Variants in NDUFA10 observed in about 807,000 individuals in gnomAD.
The protein encoded by NDUFA10 is NADH dehydrogenase [ubiquinone] 1 alpha subcomplex subunit 10, mitochondrial.
In NDUFA10, 40 loss-of-function variants were observed where a neutral mutation model predicts 47.8. That is an observed-to-expected ratio of 0.84 (90% CI 0.65 to 1.09). The LOEUF (loss-of-function observed/expected upper bound fraction) is 1.09. Among genes scored for constraint, NDUFA10 ranks in the 50% least tolerant of loss-of-function variants. NDUFA10 has a pLI of 0.00. For missense variants in NDUFA10, 413 were observed against 451.1 expected, an observed-to-expected ratio of 0.92 and a Z score of 0.76; for synonymous variants, 183 against 172.2, an observed-to-expected ratio of 1.06 and a Z score of -0.49.
chr2:239,932,794 G>A (rs539614428), intron 4 of NDUFA10, among the ~76,000 whole-genome samples: 103 of 152,234 alleles, frequency 6.8e-4, no homozygotes, highest in African/African-American at 2.2e-3. Flanking sequence ...TGTTAGCCAG[G>A]ATGGTCTCAA....
intron 1 of NDUFA10, 78 bp downstream of exon 1, chr2:240,025,149 G>C: frequency 8.4e-7 from 1 of 1,184,398 alleles, no homozygotes; most frequent in Non-Finnish European, 1.1e-6. Flanking sequence ...GAGGCCGGGG[G>C]AGATGTGGAA....
intron 4 of NDUFA10, chr2:240,018,002 A>C: frequency 2.0e-6 from 2 of 1,022,372 alleles, no homozygotes; most frequent in Middle Eastern, 4.1e-4. Context: ...CCCCACCCTG[A>C]CTCCTCAAGG....
At chr2:239,897,296 G>C (rs1230095935) in intron 4 of NDUFA10, among the ~76,000 whole-genome samples, 1 of 151,844 alleles carries the variant, frequency 6.6e-6, no homozygotes, top group African/African-American at 2.4e-5. Flanking sequence ...AAAAATTCAA[G>C]AAAAATCCTA....
At chr2:239,904,352 T>C (rs1271092429) in intron 4 of NDUFA10, among the ~76,000 whole-genome samples, 1 of 152,176 alleles carries the variant, frequency 6.6e-6, no homozygotes, top group South Asian at 2.1e-4. Context: ...GGTTGGAGTA[T>C]AGTGGTGTGA....
intron 9 of NDUFA10, among the ~76,000 whole-genome samples, chr2:239,970,890 G>A (rs759815786): frequency 7.9e-5 from 12 of 152,234 alleles, no homozygotes; most frequent in Non-Finnish European, 1.6e-4. Flanking sequence ...TGAAATGTAA[G>A]GTAAGAATGA....
chr2:239,924,480 C>T (rs996805031), intron 4 of NDUFA10, among the ~76,000 whole-genome samples: 1 of 151,864 alleles, frequency 6.6e-6, no homozygotes, highest in Non-Finnish European at 1.5e-5. Context: ...AGAAAATGTA[C>T]TTGACAAAAG....
At chr2:239,909,658 A>G (rs1390934500) in intron 4 of NDUFA10, among the ~76,000 whole-genome samples, 1 of 152,106 alleles carries the variant, frequency 6.6e-6, no homozygotes, top group Non-Finnish European at 1.5e-5. Context: ...AAGAAAATCT[A>G]GGCAATATTA....
chr2:239,929,210 C>G (rs1192650724), intron 4 of NDUFA10, among the ~76,000 whole-genome samples: 1 of 152,206 alleles, frequency 6.6e-6, no homozygotes, highest in African/African-American at 2.4e-5. Flanking sequence ...TGCTTGGCAC[C>G]AACCGGTGGC....
intron 4 of NDUFA10, among the ~76,000 whole-genome samples, chr2:239,932,670 C>A (rs922112799): frequency 6.6e-6 from 1 of 151,776 alleles, no homozygotes; most frequent in African/African-American, 2.4e-5. Flanking sequence ...AGCTCCACCT[C>A]CCGGGTTCAC....
At chr2:240,007,657 C>T (rs933608411) in intron 6 of NDUFA10, among the ~76,000 whole-genome samples, 1 of 152,230 alleles carries the variant, frequency 6.6e-6, no homozygotes, top group Non-Finnish European at 1.5e-5. Context: ...GCGTGACAGA[C>T]CACAGCCATC....
intron 4 of NDUFA10, chr2:239,942,924 C>G (rs1694384036): frequency 6.5e-6 from 1 of 154,036 alleles, no homozygotes; most frequent in Non-Finnish European, 1.5e-5. Context: ...CTTCGGGAAG[C>G]CTGCAAGGAT....
chr2:240,014,953 CG>C, intron 4 of NDUFA10, 93 bp from the exon 5 acceptor site: 1 of 1,561,130 alleles, frequency 6.4e-7, no homozygotes, highest in Non-Finnish European at 8.7e-7. Context: ...CAAACATACA[CG>C]CAATTCTCAA....
chr2:239,932,583 AT>A lies in NDUFA10; in HGVS notation c.295-37270del, dbSNP rs1334670530. 1.2e-3 allele frequency among the ~76,000 whole-genome samples: 171 copies of A among 147,712 alleles called. No individual in the cohort carries two copies. In the Middle Eastern group the frequency reaches 0.022, roughly 19 times the overall value. The stretch of plus-strand genomic sequence containing the variant: ...AAAAGTGAAACTCTCTGGTCAAAGA[AT>A]TTTTTTTTTTTTTGAGACGGAGTCT... On this transcript the variant is annotated intron_variant, in intron 4 of 5. Coordinates refer to the NDUFA10 transcript ENST00000419408.
At chr2:239,914,930 CAGAG>C (rs1180973282) in intron 4 of NDUFA10, among the ~76,000 whole-genome samples, 8 of 147,472 alleles carry the variant, frequency 5.4e-5, no homozygotes, top group South Asian at 2.1e-4. Context: ...TATACAGATA[CAGAG>C]AGAGACACAG....
chr2:239,974,569 T>G (rs1695437891), intron 9 of NDUFA10, among the ~76,000 whole-genome samples: 1 of 152,246 alleles, frequency 6.6e-6, no homozygotes, highest in African/African-American at 2.4e-5. Flanking sequence ...GTGGGAAGTG[T>G]TTGGATCATG....
At chr2:240,013,621 A>G (rs1335030138) in intron 5 of NDUFA10, 1 of 152,278 alleles carries the variant, frequency 6.6e-6, no homozygotes, top group East Asian at 1.9e-4. Flanking sequence ...TGGCAATAGA[A>G]AGGCATACAT....
At chr2:239,948,055 G>A (rs954853819) in intron 4 of NDUFA10, among the ~76,000 whole-genome samples, 4 of 152,352 alleles carry the variant, frequency 2.6e-5, no homozygotes, top group East Asian at 1.9e-4. Flanking sequence ...AGGTGAGGTC[G>A]GGGGACAAGC....
intron 9 of NDUFA10, chr2:239,969,604 T>C (rs1695229924): frequency 6.4e-6 from 3 of 469,488 alleles, no homozygotes; most frequent in South Asian, 3.1e-5. Context: ...TGGCCAAATC[T>C]TTCCTGGATT....
At chr2:239,953,221 CAG>C (rs1481322129), downstream of NDUFA10, among the ~76,000 whole-genome samples, 1 of 152,102 alleles carries the variant, frequency 6.6e-6, no homozygotes, top group East Asian at 1.9e-4. Context: ...CAGGGGCCAG[CAG>C]AGAGGAGAGG....
Sources: gnomAD v4.1 joint callset for allele counts (sites outside exome capture counted in the v4.1 genomes callset) on GRCh38, gnomAD v4.1.1 for gene constraint, MANE v1.5 for transcripts, NCBI Gene and HGNC (gene_info 2026-07-23, HGNC 2026-07-21) for gene names.